CLYBL: variants seen among roughly 807,000 people sequenced by gnomAD.
CLYBL encodes citramalyl-CoA lyase, mitochondrial.
Under a neutral mutation model 38.9 loss-of-function variants are expected in CLYBL, and 31 were observed. That is an observed-to-expected ratio of 0.80 (90% CI 0.60 to 1.08). The LOEUF is 1.08. Among genes scored for constraint, CLYBL ranks in the 50% least tolerant of loss-of-function variants. The pLI, the probability that CLYBL is intolerant of heterozygous loss-of-function variation, is 0.00. For missense variants in CLYBL, 434 were observed against 411.6 expected (o/e 1.05, Z -0.47); for synonymous variants, 171 against 158.6 (o/e 1.08, Z -0.59).
chr13:99,681,227 T>G (rs919640923), intron 1 of CLYBL, among the ~76,000 whole-genome samples: 2 of 152,210 alleles, frequency 1.3e-5, no homozygotes, highest in Non-Finnish European at 2.9e-5. Flanking sequence ...AAATAAGGCC[T>G]GTAGAATAGA....
chr13:99,719,312 A>ATTAT (rs1247744837), intron 1 of CLYBL, among the ~76,000 whole-genome samples: 3 of 150,766 alleles, frequency 2.0e-5, no homozygotes, highest in African/African-American at 4.9e-5. Context: ...GCCTGGCTGA[A>ATTAT]TTATTTATTT....
chr13:99,775,813 TTC>T (rs536150290), intron 2 of CLYBL, among the ~76,000 whole-genome samples: 376 of 152,070 alleles, frequency 2.5e-3, no homozygotes, highest in Non-Finnish European at 3.0e-3. Flanking sequence ...CCGGCCAAAA[TTC>T]TCTTTTTCAT....
At chr13:99,706,788 G>A (rs1015392398) in intron 1 of CLYBL, among the ~76,000 whole-genome samples, 3 of 152,172 alleles carry the variant, frequency 2.0e-5, no homozygotes, top group African/African-American at 7.2e-5. Context: ...AGGAAAAGGA[G>A]CATTTTGATA....
intron 1 of CLYBL, among the ~76,000 whole-genome samples, chr13:99,652,799 G>T (rs1339610295): frequency 1.3e-5 from 2 of 152,204 alleles, no homozygotes; most frequent in Non-Finnish European, 2.9e-5. Context: ...CCTGGGTGTC[G>T]GAGGTGAGGA....
chr13:99,645,066 C>A (rs925986852), intron 1 of CLYBL, among the ~76,000 whole-genome samples: 8 of 152,142 alleles, frequency 5.3e-5, no homozygotes. Context: ...TATGGTAGTT[C>A]TAGTTTTAGT....
At chr13:99,608,088 C>G (rs1344403859) in intron 1 of CLYBL, among the ~76,000 whole-genome samples, 3 of 64,888 alleles carry the variant, frequency 4.6e-5, no homozygotes, top group Non-Finnish European at 4.6e-5. Context: ...TTTTTTTTTC[C>G]GAGATGGAGT....
chr13:99,798,375 A>C (rs1193667265), intron 2 of CLYBL, among the ~76,000 whole-genome samples: 1 of 152,208 alleles, frequency 6.6e-6, no homozygotes, highest in East Asian at 1.9e-4. Context: ...TCACTCACTC[A>C]GCAAAAAGTG....
At chr13:99,837,173 TGTG>T (rs1287250328) in intron 2 of CLYBL, among the ~76,000 whole-genome samples, 1 of 152,028 alleles carries the variant, frequency 6.6e-6, no homozygotes, top group Non-Finnish European at 1.5e-5. Context: ...CAGGGCCAGG[TGTG>T]GTGGCTCACA....
At chr13:99,847,793 G>A (rs1042528267) in intron 2 of CLYBL, among the ~76,000 whole-genome samples, 3 of 152,222 alleles carry the variant, frequency 2.0e-5, no homozygotes, top group African/African-American at 2.4e-5. Flanking sequence ...GGATCCTCCC[G>A]AAGGCAGGCA....
intron 1 of CLYBL, among the ~76,000 whole-genome samples, chr13:99,618,969 G>A (rs1364009626): frequency 6.6e-6 from 1 of 152,176 alleles, no homozygotes; most frequent in African/African-American, 2.4e-5. Context: ...GGACATTTGA[G>A]TATCACTGCC....
chr13:99,790,041 A>G (rs1249724911), intron 2 of CLYBL, among the ~76,000 whole-genome samples: 2 of 151,300 alleles, frequency 1.3e-5, no homozygotes, highest in African/African-American at 2.4e-5. Context: ...TTTGTTTTCC[A>G]TTTGCTTGGT....
chr13:99,708,179 C>G (rs1000978617), intron 1 of CLYBL, among the ~76,000 whole-genome samples: 2 of 152,110 alleles, frequency 1.3e-5, no homozygotes, highest in African/African-American at 4.8e-5. Context: ...CTGGGTTTCA[C>G]CATGTTGGCC....
At chr13:99,695,573 G>A (rs558254402) in intron 1 of CLYBL, among the ~76,000 whole-genome samples, 2 of 152,154 alleles carry the variant, frequency 1.3e-5, no homozygotes, top group South Asian at 4.1e-4. Context: ...AGGCTGGAGT[G>A]CAGTGGCGTG....
rs373112755 is a variant in CLYBL, at chr13:99,624,657, A to G, written c.62+17900A>G. On this transcript the variant is annotated intron_variant, in intron 1 of 8. Transcript: ENST00000339105. ...GCAGAGGGGAAACCTCAATGTCTGA[A>G]TGTGGCTTTACCCCAGCGCTGAGAT... Among the ~76,000 whole-genome samples the G allele has an allele frequency of 2.6e-5, 4 of 152,266 alleles. No homozygotes were observed. In the South Asian group the frequency reaches 6.2e-4, roughly 24 times the overall value.
At chr13:99,876,420 C>CAAAAA (rs35512772) in intron 7 of CLYBL, among the ~76,000 whole-genome samples, 1 of 70,092 alleles carries the variant, frequency 1.4e-5, no homozygotes, top group African/African-American at 4.5e-5. Flanking sequence ...GACTCCGTCT[C>CAAAAA]AAAAAAAAAA....
At chr13:99,676,186 G>GTCCTTCCTTCCTTCCTTCCTTCCTTCCT (rs35403713) in intron 1 of CLYBL, among the ~76,000 whole-genome samples, 22 of 132,994 alleles carry the variant, frequency 1.7e-4, no homozygotes, top group Non-Finnish European at 2.1e-4. Flanking sequence ...CCCTCCGTCC[G>GTCCTTCCTTCCTTCCTTCCTTCCTTCCT]TCCTTCCTTC....
At chr13:99,819,878 T>C (rs1477799337) in intron 2 of CLYBL, among the ~76,000 whole-genome samples, 1 of 152,160 alleles carries the variant, frequency 6.6e-6, no homozygotes, top group Non-Finnish European at 1.5e-5. Context: ...TGCTAATGTC[T>C]CCCAAAAACA....
chr13:99,849,152 G>GA lies in CLYBL; in HGVS notation c.250-9699dup, dbSNP rs11407509. Among the ~76,000 whole-genome samples the GA allele has an allele frequency of 0.7, 103,815 of 148,782 alleles. 36,633 individuals are homozygous for GA. The highest frequency in any genetic ancestry group is 0.82 in the African/African-American group (33,340 of 40,462). The stretch of plus-strand genomic sequence containing the variant: ...GACTCCATCTCAAAAAAAGAAAAAA[G>GA]AAAAAAAAAACACTATTGAGAAAGA... On this transcript the variant is annotated intron_variant, in intron 2 of 8. Transcript: ENST00000339105. This position sits in a 1 kb window ranked among gnomAD's most constrained non-coding sequence, Gnocchi z 4.9.
chr13:99,751,182 C>T (rs765811897), intron 1 of CLYBL, among the ~76,000 whole-genome samples: 12 of 151,998 alleles, frequency 7.9e-5, no homozygotes, highest in Non-Finnish European at 1.5e-4. Context: ...AAAGGAAGAA[C>T]ATTCTGACAT....
Sources: allele counts gnomAD v4.1 joint callset (sites outside exome capture counted in the v4.1 genomes callset), GRCh38; gene constraint gnomAD v4.1.1; non-coding constraint Gnocchi (gnomAD v3.1); transcripts MANE v1.5; gene names NCBI Gene and HGNC (gene_info 2026-07-23, HGNC 2026-07-21).